The following NSD1 variants were observed in gnomAD, a reference collection of about 807,000 sequenced individuals.
The protein encoded by NSD1 is histone-lysine N-methyltransferase, H3 lysine-36 specific.
In NSD1, 26 loss-of-function variants were observed where a neutral mutation model predicts 242.7. The ratio of observed to expected loss-of-function variants is 0.11; its 90% CI spans 0.08 to 0.15. The LOEUF (loss-of-function observed/expected upper bound fraction) is 0.15. Among genes scored for constraint, NSD1 ranks in the 10% least tolerant of loss-of-function variants. The pLI is 1.00. For missense variants in NSD1, 2,495 were observed against 3,272.8 expected (o/e 0.76, Z 5.80); for synonymous variants, 1,106 against 1,178.1 (o/e 0.94, Z 1.25).
At chr5:177,293,435 G>C (rs767870605) in intron 22 of NSD1, among the ~76,000 whole-genome samples, 9 of 152,090 alleles carry the variant, frequency 5.9e-5, no homozygotes, top group Admixed American at 2.6e-4. Flanking sequence ...TCTTTGAGTT[G>C]CTTATTTAAA....
At chr5:177,184,828 C>T (rs1483887607) in intron 2 of NSD1, among the ~76,000 whole-genome samples, 1 of 152,154 alleles carries the variant, frequency 6.6e-6, no homozygotes, top group Non-Finnish European at 1.5e-5. Context: ...TGAGCCACCA[C>T]GCCTGGCCTT....
At position 177,269,040 on chromosome 5, in the gene NSD1, T is replaced by C. The variant is rs1479023707; in HGVS notation, c.5304-562T>C. 6.6e-6 allele frequency among the ~76,000 whole-genome samples: 1 copy of C among 152,150 alleles called. No homozygotes were observed. Among genetic ancestry groups the C allele is most frequent in the Non-Finnish European group, 1.5e-5 (1 of 68,030 alleles). On this transcript the variant is annotated intron_variant, in intron 15 of 22. Transcript: ENST00000439151. This position sits in a 1 kb window ranked among gnomAD's most constrained non-coding sequence, Gnocchi z 5.1. ...CATTCTCTGGAGTAAAGTAGGTAGA[T>C]AGAGGTTTCCAGCTTTAATAGGTAG...
intron 2 of NSD1, among the ~76,000 whole-genome samples, chr5:177,187,922 C>T (rs1035922594): frequency 2.0e-5 from 3 of 151,968 alleles, no homozygotes; most frequent in Non-Finnish European, 4.4e-5. Context: ...ACACAGAATT[C>T]GGCCCAATAC....
chr5:177,171,022 A>T (rs1356218383), intron 2 of NSD1, among the ~76,000 whole-genome samples: 1 of 151,614 alleles, frequency 6.6e-6, no homozygotes, highest in African/African-American at 2.4e-5. Context: ...CATGTTAAAA[A>T]AAAAAAAAAA....
At chr5:177,233,429 C>T (rs1019285879) in intron 5 of NSD1, among the ~76,000 whole-genome samples, 3 of 151,610 alleles carry the variant, frequency 2.0e-5, no homozygotes, top group African/African-American at 7.3e-5. Context: ...AGTGCAGTGG[C>T]TAGATCTTGG....
In NSD1 at chr5:177,228,405, C is replaced by T. The variant is rs530257725; in HGVS notation, c.3797-7416C>T. ...CAGATTTTTGTATTTTTAGTAGGGACGGGATTTTGCCATGTTGGCTAGGCT... is the reference window on the plus strand; with the variant it reads ...CAGATTTTTGTATTTTTAGTAGGGATGGGATTTTGCCATGTTGGCTAGGCT... On this transcript the variant is annotated intron_variant, in intron 5 of 22. Transcript: ENST00000439151. 1.1e-3 allele frequency among the ~76,000 whole-genome samples: 161 copies of T among 151,860 alleles called. 1 individual carries two copies. The highest frequency in any genetic ancestry group is 3.7e-3 in the African/African-American group (153 of 41,410).
At chr5:177,190,323 A>C (rs900166828) in intron 2 of NSD1, among the ~76,000 whole-genome samples, 1 of 152,124 alleles carries the variant, frequency 6.6e-6, no homozygotes, top group African/African-American at 2.4e-5. Flanking sequence ...TCTGTTGCCC[A>C]GGCCGGCGTG....
Position 177,133,795 on chromosome 5 carries a change from G to A in NSD1, c.-175G>A, listed in dbSNP as rs994518228. ...GAGGAGGCGGCGGCGGAATAGGCCG[G>A]GGCAGGTCGCGCTCGCTGCCTTCTC... On this transcript the variant is annotated 5_prime_UTR_variant, in exon 1 of 23. Transcript: ENST00000439151. The surrounding 1 kb of genome is among the most constrained non-coding windows in gnomAD (Gnocchi z 6.2). 4 of 149,272 alleles carry A rather than the reference G, an allele frequency of 2.7e-5. No individual in the cohort carries two copies. Among genetic ancestry groups the A allele is most frequent in the Non-Finnish European group, 6.0e-5 (4 of 66,988 alleles). 9.2% of individuals were successfully genotyped at this position (149,272 alleles called of 1,614,324 possible).
Position 177,173,466 on chromosome 5 carries a change from C to CTTTTTT in NSD1, c.928-18399_928-18394dup, listed in dbSNP as rs768982432. On this transcript the variant is annotated intron_variant, in intron 2 of 22. Transcript: ENST00000439151. ...AGAATCTAAAATATTTACTATCTGG[C>CTTTTTT]TTTTTTTTTTTTTTTTTTTTTTTTG... 2.8e-3 allele frequency among the ~76,000 whole-genome samples: 173 copies of CTTTTTT among 62,206 alleles called. 7 individuals carry two copies. The highest frequency in any genetic ancestry group is 7.0e-3 in the African/African-American group (92 of 13,208). 40.8% of individuals were successfully genotyped at this position (62,206 alleles called of 152,430 possible). A position where few individuals can be genotyped will look rare whatever the true frequency, so the allele number is the denominator to read the frequency against.
chr5:177,159,742 A>G (rs909723313), intron 2 of NSD1, among the ~76,000 whole-genome samples: 1 of 150,796 alleles, frequency 6.6e-6, no homozygotes, highest in Admixed American at 6.6e-5. Context: ...GCAGGCATAT[A>G]CCACCACGCC....
At chr5:177,280,176 AC>A (rs1254689454) in intron 17 of NSD1, among the ~76,000 whole-genome samples, 1 of 149,712 alleles carries the variant, frequency 6.7e-6, no homozygotes, top group African/African-American at 2.5e-5. Flanking sequence ...ACGGGGTTTC[AC>A]CGTGTTAGCC....
chr5:177,136,828 CAG>C (rs1562100762), intron 2 of NSD1: 1 of 604,662 alleles, frequency 1.7e-6, no homozygotes, highest in East Asian at 2.8e-5. Flanking sequence ...TTTATTTTAA[CAG>C]AACCCTAACT....
At chr5:177,266,026 G>A (rs1210981640) in intron 14 of NSD1, 7 of 1,042,714 alleles carry the variant, frequency 6.7e-6, no homozygotes, top group Non-Finnish European at 1.1e-5. Flanking sequence ...AAGATATATC[G>A]AAGCCATAAA....
Position 177,210,231 on chromosome 5 carries a change from G to A in NSD1, c.1832G>A (p.Arg611Gln), listed in dbSNP as rs1424984701. Reference sequence around the variant, plus strand: ...TCTCGAGAGAAGAATAAACCCCAACGAAGCCTGGTGTGTGGTTCAAAAGTG... The same window carrying A: ...TCTCGAGAGAAGAATAAACCCCAACAAAGCCTGGTGTGTGGTTCAAAAGTG... ...KCSREKNKPQRSLVCGSKVKL... is the reference protein window; with the variant it reads ...KCSREKNKPQQSLVCGSKVKL... Residue 611 changes from arginine (R) to glutamine (Q), a missense_variant, in exon 5 of 23, where the codon CGA becomes CAA. Transcript: ENST00000439151. 13 of 1,594,522 alleles carry A rather than the reference G, an allele frequency of 8.2e-6. No homozygotes were observed. Among genetic ancestry groups the A allele is most frequent in the East Asian group, 2.2e-5 (1 of 44,660 alleles).
chr5:177,249,009 G>A lies in NSD1; in HGVS notation c.4641+685G>A, dbSNP rs144289187. On this transcript the variant is annotated intron_variant, in intron 11 of 22. Coordinates refer to ENST00000439151, the MANE Select transcript of NSD1 (RefSeq NM_022455.5). ...TAACCTTTAAGCTCCGTTGGACTTG[G>A]TTGGTTTAGAGTCTTAACCATTTTG... 6.7e-3 allele frequency among the ~76,000 whole-genome samples: 1,020 copies of A among 152,302 alleles called. 7 individuals are homozygous for A. Among genetic ancestry groups the A allele is most frequent in the African/African-American group, 0.018 (753 of 41,550 alleles).
At chr5:177,233,402 T>C (rs1409222276) in intron 5 of NSD1, among the ~76,000 whole-genome samples, 1 of 151,766 alleles carries the variant, frequency 6.6e-6, no homozygotes, top group Admixed American at 6.6e-5. Flanking sequence ...AAAGTTTGGC[T>C]CTGTCACCCA....
intron 2 of NSD1, among the ~76,000 whole-genome samples, chr5:177,159,007 T>TATATATATATATATATGAATG (rs1554173317): frequency 3.2e-5 from 3 of 93,036 alleles, no homozygotes; most frequent in Admixed American, 2.2e-4. Flanking sequence ...TTTATATATA[T>TATATATATATATATATGAATG]ATATATATAT....
At chr5:177,266,175 G>T in intron 14 of NSD1, 1 of 1,062,526 alleles carries the variant, frequency 9.4e-7, no homozygotes, top group Admixed American at 1.7e-5. Flanking sequence ...TGTTGAGCAT[G>T]GACTCGTAGA....
chr5:177,183,657 TAC>T (rs1422373611), intron 2 of NSD1, among the ~76,000 whole-genome samples: 1 of 152,176 alleles, frequency 6.6e-6, no homozygotes, highest in Non-Finnish European at 1.5e-5. Flanking sequence ...TTTTAAAATA[TAC>T]AGTTAAATTA....
Sources: gnomAD v4.1 joint callset for allele counts (sites outside exome capture counted in the v4.1 genomes callset) on GRCh38, gnomAD v4.1.1 for gene constraint, Gnocchi (gnomAD v3.1) non-coding constraint, MANE v1.5 for transcripts, NCBI Gene and HGNC (gene_info 2026-07-23, HGNC 2026-07-21) for gene names.